The following DOT1L variants were observed in gnomAD, a reference collection of about 807,000 sequenced individuals.
The protein encoded by DOT1L is DOT1 like histone lysine methyltransferase, also known as histone-lysine N-methyltransferase, H3 lysine-79 specific.
A neutral mutation model predicts 153.3 loss-of-function variants in DOT1L; 33 were observed. The observed-to-expected ratio is 0.22, with a 90% CI of 0.16 to 0.29. The LOEUF (loss-of-function observed/expected upper bound fraction) is 0.29. Ranked by LOEUF, DOT1L falls within the 10% of genes least tolerant of loss-of-function variation. DOT1L has a pLI of 1.00. For synonymous variants in DOT1L, 1,135 were observed against 965.1 expected, an observed-to-expected ratio of 1.18 and a Z score of -3.26; for missense variants, 1,847 against 2,119.9, an observed-to-expected ratio of 0.87 and a Z score of 2.53.
At position 2,222,278 on chromosome 19, in the gene DOT1L, C is replaced by A. The variant is rs886143750; in HGVS notation, c.3109C>A (p.Pro1037Thr). The A allele has an allele frequency of 5.0e-6, 8 of 1,613,146 alleles. No homozygotes were observed. The highest frequency in any genetic ancestry group is 1.1e-5 in the South Asian group (1 of 91,088). The change falls in exon 24 of 28, where the codon CCT (proline) becomes ACT (threonine). Residue 1037 changes from proline to threonine, a missense_variant. Physicochemically the swap from Pro to Thr is conservative, Grantham distance 38. This residue lies in a region of DOT1L where 934 missense variants were observed against 825.3 expected (regional missense o/e 1.13). Transcript: ENST00000398665. This position sits in a 1 kb window ranked among gnomAD's most constrained non-coding sequence, Gnocchi z 6.5. ...GCCCTCCGATTCCGGCTTCTCAGAT[C>A]CTGAGAGTGAAGCCAAGAGGAGGAT... is the stretch of plus-strand genomic sequence containing the variant. ...DLPSDSGFSD[P>T]ESEAKRRIVF...
intron 26 of DOT1L, 34 bp downstream of exon 26, chr19:2,225,486 C>A: frequency 6.2e-7 from 1 of 1,609,150 alleles, no homozygotes; most frequent in Non-Finnish European, 8.5e-7. Flanking sequence ...GTGGCCAGGC[C>A]TGTCCGTGTG....
intron 8 of DOT1L, 137 bp downstream of exon 8, chr19:2,200,076 GGGC>G: frequency 8.5e-7 from 1 of 1,170,774 alleles, no homozygotes; most frequent in South Asian, 1.5e-5. Context: ...GGGACAGGAA[GGGC>G]GCCTTTCCCT....
chr19:2,228,352 C>A, intron 27 of DOT1L: 1 of 1,317,654 alleles, frequency 7.6e-7, no homozygotes. Flanking sequence ...CGATAAAGAC[C>A]TTGCTTAGCT....
At chr19:2,175,385 C>G (rs1437236837) in intron 1 of DOT1L, among the ~76,000 whole-genome samples, 4 of 152,096 alleles carry the variant, frequency 2.6e-5, no homozygotes, top group African/African-American at 4.8e-5. Context: ...ACTGTGGCCT[C>G]AAACTCCTGG....
Position 2,222,019 on chromosome 19 carries a change from G to A in DOT1L, c.2850G>A (p.Ala950=), listed in dbSNP as rs756124864. The change falls in exon 24 of 28, where the codon GCG becomes GCA. Residue 950 remains alanine, a synonymous_variant. Transcript: ENST00000398665. The surrounding 1 kb of genome is among the most constrained non-coding windows in gnomAD (Gnocchi z 6.5). The part of the protein sequence containing the change: ...AGSVAISGAL[A]GSPASLTPGA... ...CGGTGGCCATCAGCGGGGCCTTGGC[G>A]GGCAGCCCGGCCTCTCTCACACCTG... is the stretch of plus-strand genomic sequence containing the variant. 31 of 1,611,592 alleles carry A rather than the reference G, an allele frequency of 1.9e-5. No homozygotes were observed. The East Asian group carries it at 5.3e-4, about 28-fold the overall frequency.
intron 8 of DOT1L, among the ~76,000 whole-genome samples, chr19:2,201,898 A>C (rs1238204557): frequency 6.6e-6 from 1 of 152,162 alleles, no homozygotes; most frequent in Non-Finnish European, 1.5e-5. Flanking sequence ...CTCCTCCCAC[A>C]GGCTGCCCAC....
rs548900083 is a variant in DOT1L, at chr19:2,208,344, T to C, written c.964-591T>C. 6.6e-6 allele frequency among the ~76,000 whole-genome samples: 1 copy of C among 152,246 alleles called. No homozygotes were observed. Among genetic ancestry groups the C allele is most frequent in the Non-Finnish European group, 1.5e-5 (1 of 67,992 alleles). ...GGTTTTCCTTACGGTGGTGCTGGTG[T>C]GTCTGCACCCTCACTGTCCAGTGCT... On this transcript the variant is annotated intron_variant, in intron 11 of 27. Coordinates refer to ENST00000398665, the MANE Select transcript of DOT1L (RefSeq NM_032482.3). This position sits in a 1 kb window ranked among gnomAD's most constrained non-coding sequence, Gnocchi z 4.4.
chr19:2,211,969 C>A, intron 16 of DOT1L, 127 bp downstream of exon 16: 2 of 823,646 alleles, frequency 2.4e-6, no homozygotes, highest in Non-Finnish European at 3.7e-6. Context: ...CCTCTGCTCA[C>A]CTGCTGCGAG....
chr19:2,199,826 CGGG>C, intron 7 of DOT1L, 55 bp from the exon 8 acceptor site: 1 of 1,320,312 alleles, frequency 7.6e-7, no homozygotes, highest in Non-Finnish European at 1.0e-6. Flanking sequence ...AGGGGCTGGG[CGGG>C]CTGGGAGTGC....
intron 18 of DOT1L, 177 bp from the exon 19 acceptor site, chr19:2,214,294 G>T: frequency 9.0e-7 from 1 of 1,116,292 alleles, no homozygotes; most frequent in Non-Finnish European, 1.2e-6. Flanking sequence ...TCTGTCCGTG[G>T]GGGGCCCCAG....
rs555712917 is a variant in DOT1L, at chr19:2,173,841, C to CT, written c.82-6870dup. Among the ~76,000 whole-genome samples, 5 of 152,342 alleles carry CT rather than the reference C, an allele frequency of 3.3e-5. No individual in the cohort carries two copies. The South Asian group carries it at 1.0e-3, about 32-fold the overall frequency. On this transcript the variant is annotated intron_variant, in intron 1 of 27. Transcript: ENST00000398665. ...GAAACCAGAGGCCTGGTGAGCTGAG[C>CT]TTCCTCTCACAGCTTCACAGCAGCC... is the stretch of plus-strand genomic sequence containing the variant.
chr19:2,228,946 G>A, intron 27 of DOT1L: 5 of 985,416 alleles, frequency 5.1e-6, no homozygotes, highest in Non-Finnish European at 6.0e-6. Context: ...GCCTGCCTGG[G>A]GGCTGATGGG....
intron 3 of DOT1L, among the ~76,000 whole-genome samples, chr19:2,186,819 A>G (rs886304824): frequency 6.6e-6 from 1 of 152,230 alleles, no homozygotes; most frequent in African/African-American, 2.4e-5. Flanking sequence ...CCTGCCTCGC[A>G]TGTCGGGGCC....
At chr19:2,210,928 T>G (rs997868545) in intron 14 of DOT1L, 73 bp downstream of exon 14, 1 of 1,550,010 alleles carries the variant, frequency 6.5e-7, no homozygotes, top group African/African-American at 1.4e-5. Context: ...GCTGGGACGC[T>G]GCCCTCCTGA....
At chr19:2,225,246 G>T (rs1447699002) in intron 25 of DOT1L, 142 bp from the exon 26 acceptor site, 2 of 765,694 alleles carry the variant, frequency 2.6e-6, no homozygotes, top group African/African-American at 3.5e-5. Context: ...CTGGCCCAGG[G>T]TGGCTGCACG....
At chr19:2,165,221 G>T in intron 1 of DOT1L, among the ~76,000 whole-genome samples, 1 of 152,188 alleles carries the variant, frequency 6.6e-6, no homozygotes. Context: ...TGTCCGGGGC[G>T]CGAGTTTTGG....
chr19:2,230,108 G>A lies in DOT1L; in HGVS notation c.*316G>A. ...TCTATATATGAGAGCTCTATATAAA[G>A]ACACGTGTCTGCAGGGCGGGCCCGC... On this transcript the variant is annotated 3_prime_UTR_variant, in exon 28 of 28. Transcript: ENST00000398665. 1 of 545,180 alleles carries A rather than the reference G, an allele frequency of 1.8e-6. No homozygotes were observed. 33.8% of individuals were successfully genotyped at this position (545,180 alleles called of 1,614,324 possible).
chr19:2,214,341 G>A (rs540404604), intron 18 of DOT1L, 130 bp from the exon 19 acceptor site: 3 of 1,435,572 alleles, frequency 2.1e-6, no homozygotes, highest in South Asian at 2.8e-5. Context: ...TGCTATTCCA[G>A]AAACGGGGTC....
intron 24 of DOT1L, chr19:2,223,021 G>A: frequency 1.9e-6 from 1 of 529,032 alleles, no homozygotes. Flanking sequence ...TGCGCTGCCT[G>A]CAAGCTTCTT....
Sources: gnomAD v4.1 joint callset for allele counts (sites outside exome capture counted in the v4.1 genomes callset) on GRCh38, gnomAD v4.1.1 for gene constraint, gnomAD v4.1.1 regional missense constraint, Gnocchi (gnomAD v3.1) non-coding constraint, MANE v1.5 for transcripts, NCBI Gene and HGNC (gene_info 2026-07-23, HGNC 2026-07-21) for gene names.